LAT2: variants seen among roughly 807,000 people sequenced by gnomAD.
LAT2 encodes the protein linker for activation of T cells family member 2, also known as linker for activation of T-cells family member 2.
LAT2 carries 23 observed loss-of-function variants against 43.4 expected under a neutral mutation model. The observed-to-expected ratio is 0.53, with a 90% CI of 0.38 to 0.75. LAT2 has a LOEUF of 0.75. Ranked by LOEUF, LAT2 falls within the 30% of genes least tolerant of loss-of-function variation. The probability of loss-of-function intolerance (pLI) is 0.00; values close to 1 mark genes in which losing one functional copy is unlikely to be tolerated. For missense variants in LAT2, 284 were observed against 310.2 expected (o/e 0.92, Z 0.64); for synonymous variants, 128 against 123.2 (o/e 1.04, Z -0.26).
intron 13 of LAT2, chr7:74,225,872 C>A (rs1802465315): frequency 6.6e-6 from 1 of 152,332 alleles, no homozygotes; most frequent in Admixed American, 6.5e-5. Context: ...TGTGCAGAGC[C>A]CCACGTCATT....
rs1554715098 is a variant in LAT2 at position 74,220,758 on chromosome 7, C to A, written c.332+24C>A. 6.6e-7 allele frequency: 1 copy of A among 1,514,272 alleles called. No homozygotes were observed. The highest frequency in any genetic ancestry group is 8.9e-7 in the Non-Finnish European group (1 of 1,121,044). The allele number at this position is 1,514,272 out of a possible 1,614,324, so 93.8% of individuals were successfully genotyped here. A position where few individuals can be genotyped will look rare whatever the true frequency, so the allele number is the denominator to read the frequency against. ...ATGTGAGTGACCTTGATCCTGTCCC[C>A]CCTGCCTCGCCTCTCCCCCTGCCCC... On this transcript the variant is annotated intron_variant, in intron 9 of 13. Transcript: ENST00000460943. This position sits in a 1 kb window ranked among gnomAD's most constrained non-coding sequence, Gnocchi z 4.5.
intron 1 of LAT2, among the ~76,000 whole-genome samples, chr7:74,213,420 C>CTTTTTTTTTTTTTT (rs1554713423): frequency 1.5e-5 from 2 of 136,238 alleles, no homozygotes; most frequent in South Asian, 2.4e-4. Context: ...TGTGCCCGGC[C>CTTTTTTTTTTTTTT]ATTTTTTTTT....
At position 74,220,335 on chromosome 7, in the gene LAT2, C is replaced by A; in HGVS notation, c.265+81C>A. 6.7e-7 allele frequency: 1 copy of A among 1,486,220 alleles called. No individual in the cohort carries two copies. The highest frequency in any genetic ancestry group is 1.2e-5 in the South Asian group (1 of 82,744). 92.1% of individuals were successfully genotyped at this position (1,486,220 alleles called of 1,614,324 possible). A position where few individuals can be genotyped will look rare whatever the true frequency, so the allele number is the denominator to read the frequency against. On this transcript the variant is annotated intron_variant, in intron 7 of 13. Coordinates refer to ENST00000460943, the MANE Select transcript of LAT2 (RefSeq NM_032464.3). This position sits in a 1 kb window ranked among gnomAD's most constrained non-coding sequence, Gnocchi z 4.5. Reference sequence around the variant, plus strand: ...GGCGAAAACCCCATGGGACAGGCGTCGTGCAGTGGGGGCTGCGGGGCCAGG... The same window carrying A: ...GGCGAAAACCCCATGGGACAGGCGTAGTGCAGTGGGGGCTGCGGGGCCAGG...
Position 74,221,307 on chromosome 7 carries a change from C to A in LAT2, c.333-330C>A, listed in dbSNP as rs141820730. Reference sequence around the variant, plus strand: ...GTGCGTGCCTGTAATCCCAGCTACTCGGGAGGCTGATGCAGGAGAATCGCT... The same window carrying A: ...GTGCGTGCCTGTAATCCCAGCTACTAGGGAGGCTGATGCAGGAGAATCGCT... On this transcript the variant is annotated intron_variant, in intron 9 of 13. Transcript: ENST00000460943. 5.4e-5 allele frequency among the ~76,000 whole-genome samples: 8 copies of A among 147,184 alleles called. No individual in the cohort carries two copies. The East Asian group carries it at 1.7e-3, about 30-fold the overall frequency.
rs1343697913 is a variant in LAT2, at chr7:74,219,967, G to A, written c.186G>A (p.Gly62=). 1.2e-6 allele frequency: 2 copies of A among 1,613,506 alleles called. No homozygotes were observed. The highest frequency in any genetic ancestry group is 1.7e-5 in the Admixed American group (1 of 60,002). The change falls in exon 6 of 14, where the codon GGG becomes GGA. Residue 62 remains glycine, a synonymous_variant. Transcript: ENST00000460943. Reference sequence around the variant, plus strand: ...ACTTCTTGCCCTTTGTAGTGGTCGGGCAGGCATGGCCAGGACCCCTGGCGG... The same window carrying A: ...ACTTCTTGCCCTTTGTAGTGGTCGGACAGGCATGGCCAGGACCCCTGGCGG... ...FTGSRTYSLV[G]QAWPGPLADM...
intron 13 of LAT2, among the ~76,000 whole-genome samples, chr7:74,226,818 G>A (rs1802507634): frequency 6.6e-6 from 1 of 152,150 alleles, no homozygotes; most frequent in African/African-American, 2.4e-5. Flanking sequence ...AAGCCTTTCA[G>A]AGCTCCCTTC....
Position 74,219,884 on chromosome 7 carries a change from A to G in LAT2, c.179-76A>G, listed in dbSNP as rs1802197942. On this transcript the variant is annotated intron_variant, in intron 5 of 13. Coordinates refer to ENST00000460943, the MANE Select transcript of LAT2 (RefSeq NM_032464.3). ...TGACCTGAGACCGTGGCCAGGCCTG[A>G]TGTGGGGGGATGATGGGGTGAGGGG... 27 of 1,601,344 alleles carry G rather than the reference A, an allele frequency of 1.7e-5. No homozygotes were observed. In the South Asian group the frequency reaches 2.9e-4, roughly 17 times the overall value.
chr7:74,218,293 CT>C (rs1201508544), intron 4 of LAT2, among the ~76,000 whole-genome samples: 5 of 152,212 alleles, frequency 3.3e-5, no homozygotes, highest in Admixed American at 6.5e-5. Context: ...GACTGACTCT[CT>C]CCTGTGGATT....
At chr7:74,223,680 A>G in intron 10 of LAT2, 44 bp from the exon 11 acceptor site, 1 of 1,572,940 alleles carries the variant, frequency 6.4e-7, no homozygotes, top group African/African-American at 1.4e-5. Context: ...CAGGCTTTGC[A>G]GGGTCTGCCC....
At chr7:74,223,009 C>T (rs1211801574) in intron 10 of LAT2, among the ~76,000 whole-genome samples, 2 of 152,276 alleles carry the variant, frequency 1.3e-5, no homozygotes, top group African/African-American at 2.4e-5. Flanking sequence ...CCTGGGTCCC[C>T]GAGCAAAGCA....
intron 1 of LAT2, among the ~76,000 whole-genome samples, chr7:74,213,714 C>T (rs1444215632): frequency 8.5e-5 from 13 of 152,128 alleles, no homozygotes; most frequent in South Asian, 4.1e-4. Context: ...TGAGCCACCA[C>T]GCCCTGCTGG....
chr7:74,211,168 G>A (rs1801723188), intron 1 of LAT2, among the ~76,000 whole-genome samples: 1 of 146,642 alleles, frequency 6.8e-6, no homozygotes, highest in African/African-American at 2.5e-5. Flanking sequence ...GGGGGCCTCA[G>A]AGGGTCCACC....
At chr7:74,215,534 T>A (rs111689941) in intron 2 of LAT2, among the ~76,000 whole-genome samples, 3,346 of 152,186 alleles carry the variant, frequency 0.022, 112 homozygotes, top group African/African-American at 0.074. Flanking sequence ...AGAGCCAGGG[T>A]TAGGGGCAGG....
At chr7:74,228,628 A>G (rs34517670) in intron 13 of LAT2, among the ~76,000 whole-genome samples, 2 of 140,518 alleles carry the variant, frequency 1.4e-5, no homozygotes, top group East Asian at 4.1e-4. Flanking sequence ...TACTAAAAAT[A>G]CAAAAAAAAA....
intron 13 of LAT2, among the ~76,000 whole-genome samples, chr7:74,226,990 G>A (rs1176327899): frequency 1.3e-5 from 2 of 151,638 alleles, no homozygotes; most frequent in African/African-American, 2.4e-5. Flanking sequence ...ACCAGGCAGG[G>A]CCAGCACTTG....
rs1802233842 is a variant in LAT2, at chr7:74,220,692, C to A, written c.302-12C>A. The A allele has an allele frequency of 6.2e-7, 1 of 1,610,528 alleles. No homozygotes were observed. The highest frequency in any genetic ancestry group is 8.5e-7 in the Non-Finnish European group (1 of 1,177,154). ...CCAGGGGCTCAGGCCCAATTCTCGC[C>A]TCCTCCCGCAGGAAGCAGACACGGG... On this transcript the variant is annotated splice_polypyrimidine_tract_variant and intron_variant, in intron 8 of 13. Transcript: ENST00000460943. The surrounding 1 kb of genome is among the most constrained non-coding windows in gnomAD (Gnocchi z 4.5).
chr7:74,220,250 G>A lies in LAT2; in HGVS notation c.261G>A (p.Leu87=). The part of the protein sequence containing the change: ...KDKLLQFYPS[L]EDPASSRYQN... ...AGCTGTTGCAATTCTACCCCAGCCT[G>A]GAGGGTGAGTGGCACAGGGCAGGGA... Residue 87 remains leucine (L), a synonymous_variant, in exon 7 of 14, where the codon CTG becomes CTA. Transcript: ENST00000460943. This position sits in a 1 kb window ranked among gnomAD's most constrained non-coding sequence, Gnocchi z 4.5. 1 of 1,611,510 alleles carries A rather than the reference G, an allele frequency of 6.2e-7. No individual in the cohort carries two copies. The highest frequency in any genetic ancestry group is 8.5e-7 in the Non-Finnish European group (1 of 1,178,448).
At chr7:74,221,285 C>G (rs909842291) in intron 9 of LAT2, among the ~76,000 whole-genome samples, 1 of 151,654 alleles carries the variant, frequency 6.6e-6, no homozygotes, top group Admixed American at 6.6e-5. Flanking sequence ...CATGGTGGTG[C>G]GTGCCTGTAA....
Position 74,220,269 on chromosome 7 carries a change from G to GCAGGGA in LAT2, c.265+26_265+31dup, listed in dbSNP as rs782122319. 6.2e-6 allele frequency: 10 copies of GCAGGGA among 1,610,114 alleles called. No individual in the cohort carries two copies. The African/African-American group carries it at 6.7e-5, about 11-fold the overall frequency. On this transcript the variant is annotated intron_variant, in intron 7 of 13. Transcript: ENST00000460943. This position sits in a 1 kb window ranked among gnomAD's most constrained non-coding sequence, Gnocchi z 4.5. ...CAGCCTGGAGGGTGAGTGGCACAGG[G>GCAGGGA]CAGGGACAGGGACAGGCCTAGCCAA... is the stretch of plus-strand genomic sequence containing the variant.
Sources: gnomAD v4.1 joint callset for allele counts (sites outside exome capture counted in the v4.1 genomes callset) on GRCh38, gnomAD v4.1.1 for gene constraint, Gnocchi (gnomAD v3.1) non-coding constraint, MANE v1.5 for transcripts, NCBI Gene and HGNC (gene_info 2026-07-23, HGNC 2026-07-21) for gene names.